The following SYT6 variants were observed in gnomAD, a reference collection of about 807,000 sequenced individuals.
SYT6 encodes synaptotagmin 6.
In SYT6, 24 loss-of-function variants were observed where a neutral mutation model predicts 38.4. The ratio of observed to expected loss-of-function variants is 0.62; its 90% CI spans 0.45 to 0.88. SYT6 has a LOEUF of 0.88. SYT6 is among the 40% of genes least tolerant of loss of function. The pLI, the probability that SYT6 is intolerant of heterozygous loss-of-function variation, is 0.00. For synonymous variants in SYT6, 265 were observed against 241.9 expected, an observed-to-expected ratio of 1.10 and a Z score of -0.89; for missense variants, 611 against 621.0, an observed-to-expected ratio of 0.98 and a Z score of 0.17.
chr1:114,097,644 A>C, intron 6 of SYT6, 83 bp downstream of exon 6: 1 of 1,540,426 alleles, frequency 6.5e-7, no homozygotes, highest in Non-Finnish European at 8.9e-7. Context: ...CAAAAGGCCG[A>C]GGGTGTCACT....
chr1:114,096,651 G>A (rs926640164), intron 6 of SYT6, among the ~76,000 whole-genome samples: 1 of 152,208 alleles, frequency 6.6e-6, no homozygotes, highest in South Asian at 2.1e-4. Flanking sequence ...AGGTTCTATG[G>A]GTTTGCAGAC....
chr1:114,107,770 CCT>C (rs1457335829), intron 3 of SYT6, among the ~76,000 whole-genome samples: 4 of 152,230 alleles, frequency 2.6e-5, no homozygotes, highest in Admixed American at 6.5e-5. Context: ...TCTGCACTAC[CCT>C]CTCTCAGGCG....
intron 1 of SYT6, among the ~76,000 whole-genome samples, chr1:114,149,290 A>C (rs921583370): frequency 1.6e-4 from 2 of 12,670 alleles, no homozygotes; most frequent in Admixed American, 1.5e-3. Context: ...GCCCATTAAT[A>C]ATTAATAATA....
chr1:114,125,164 T>C (rs2101050651), intron 3 of SYT6, among the ~76,000 whole-genome samples: 1 of 152,342 alleles, frequency 6.6e-6, no homozygotes, highest in Middle Eastern at 3.4e-3. Flanking sequence ...ACCCGACCCA[T>C]GGTCGAGGAT....
chr1:114,107,800 C>G (rs1571835950), intron 3 of SYT6, among the ~76,000 whole-genome samples: 1 of 152,238 alleles, frequency 6.6e-6, no homozygotes. Flanking sequence ...TCAGATCCCA[C>G]ATGGCTTACC....
intron 1 of SYT6, among the ~76,000 whole-genome samples, chr1:114,151,754 C>G (rs1399755570): frequency 6.6e-6 from 1 of 152,158 alleles, no homozygotes; most frequent in African/African-American, 2.4e-5. Context: ...CAGGAAGAGG[C>G]TCCCTGATAG....
intron 3 of SYT6, among the ~76,000 whole-genome samples, chr1:114,131,314 C>G (rs1450311904): frequency 6.6e-6 from 1 of 152,160 alleles, no homozygotes; most frequent in Non-Finnish European, 1.5e-5. Flanking sequence ...TCCCCAAGTC[C>G]AAAGAGAACA....
In SYT6 at chr1:114,117,020, A is replaced by C. The variant is rs182514558; in HGVS notation, c.1072-13299T>G. Among the ~76,000 whole-genome samples, 637 of 152,338 alleles carry C rather than the reference A, an allele frequency of 4.2e-3. 4 individuals carry two copies. The highest frequency in any genetic ancestry group is 4.4e-3 in the Non-Finnish European group (298 of 68,032). On this transcript the variant is annotated intron_variant, in intron 3 of 7. Coordinates refer to ENST00000610222, the MANE Select transcript of SYT6 (RefSeq NM_001253772.2). ...ATCATCAACGAAGAACTCCTGATTC[A>C]TGATTCCAGAAGGGAAGAACCATGA...
chr1:114,120,975 G>C (rs1454167209), intron 3 of SYT6, among the ~76,000 whole-genome samples: 1 of 152,224 alleles, frequency 6.6e-6, no homozygotes, highest in Non-Finnish European at 1.5e-5. Flanking sequence ...TCCGTGCCTA[G>C]AGGCAGGGCC....
intron 3 of SYT6, among the ~76,000 whole-genome samples, chr1:114,107,439 G>A (rs1189098779): frequency 1.3e-5 from 2 of 152,224 alleles, no homozygotes; most frequent in African/African-American, 2.4e-5. Flanking sequence ...GCGCAGCCAG[G>A]TGAAAGGACT....
intron 3 of SYT6, among the ~76,000 whole-genome samples, chr1:114,127,153 C>T (rs4307568): frequency 0.25 from 38,203 of 152,136 alleles, 4,904 homozygotes; most frequent in Admixed American, 0.27. Context: ...CTTTAGCCCC[C>T]TGGAGCCAAG....
rs572440586 is a variant in SYT6 at position 114,120,200 on chromosome 1, C to T, written c.1072-16479G>A. Among the ~76,000 whole-genome samples, 39 of 152,278 alleles carry T rather than the reference C, an allele frequency of 2.6e-4. No individual in the cohort carries two copies. In the Middle Eastern group the frequency reaches 0.014, roughly 53 times the overall value. ...AGGCATAGAGGTGTTGATGAGGTCT[C>T]AGAATTCAAAGACCACACTATGATC... is the stretch of plus-strand genomic sequence containing the variant. On this transcript the variant is annotated intron_variant, in intron 3 of 7. Transcript: ENST00000610222.
chr1:114,121,049 G>A (rs896379636), intron 3 of SYT6, among the ~76,000 whole-genome samples: 5 of 152,338 alleles, frequency 3.3e-5, no homozygotes, highest in South Asian at 4.1e-4. Flanking sequence ...AGGGACAGGC[G>A]ATGTCTCCAT....
In SYT6 at chr1:114,138,012, A is replaced by G. The variant is rs1436409134; in HGVS notation, c.554T>C (p.Val185Ala). 6.2e-7 allele frequency: 1 copy of G among 1,613,684 alleles called. No homozygotes were observed. The highest frequency in any genetic ancestry group is 8.5e-7 in the Non-Finnish European group (1 of 1,179,946). Residue 185 changes from valine (V) to alanine (A), a missense_variant, in exon 3 of 8, where the codon GTC (valine) becomes GCC (alanine). Val to Ala is a moderately conservative substitution (Grantham distance 64). Coordinates refer to ENST00000610222, the MANE Select transcript of SYT6 (RefSeq NM_001253772.2). Reference protein sequence around the residue: ...FKRHLPRQMHVSSVDYGNELP... With the variant: ...FKRHLPRQMHASSVDYGNELP... ...CTCATTGCCATAGTCTACACTGGAGACATGCATCTGCCTTGGCAGGTGGCG... is the reference window on the plus strand; with the variant it reads ...CTCATTGCCATAGTCTACACTGGAGGCATGCATCTGCCTTGGCAGGTGGCG...
chr1:114,120,039 CCA>C (rs1677290640), intron 3 of SYT6, among the ~76,000 whole-genome samples: 1 of 150,422 alleles, frequency 6.6e-6, no homozygotes, highest in African/African-American at 2.5e-5. Flanking sequence ...CCACTGCACT[CCA>C]GCCTGGGCGA....
At chr1:114,138,149 A>G in intron 2 of SYT6, 96 bp from the exon 3 acceptor site, 4 of 1,234,878 alleles carry the variant, frequency 3.2e-6, no homozygotes, top group Non-Finnish European at 4.4e-6. Context: ...GGCTCATCTT[A>G]TCCCTTGTTG....
In SYT6 at chr1:114,103,697, T is replaced by A; in HGVS notation, c.1096A>T (p.Met366Leu). 1 of 1,614,034 alleles carries A rather than the reference T, an allele frequency of 6.2e-7. No individual in the cohort carries two copies. Residue 366 changes from methionine (M) to leucine (L), a missense_variant, in exon 4 of 8, where the codon ATG becomes TTG. Transcript: ENST00000610222. ...GTGGGCAGGTAGCAAAGGGAGAACA[T>A]GATCTCTCCCAAGTCCACGCTTTCC... ...TSESVDLGEI[M>L]FSLCYLPTAG... is the part of the protein sequence containing the mutation.
At chr1:114,139,480 C>A (rs1678719087) in intron 2 of SYT6, 135 bp downstream of exon 2, 3 of 1,387,398 alleles carry the variant, frequency 2.2e-6, no homozygotes. Context: ...TGGCTCACAT[C>A]ATCTGACATA....
intron 3 of SYT6, among the ~76,000 whole-genome samples, chr1:114,127,525 G>T (rs998201733): frequency 6.6e-6 from 1 of 152,156 alleles, no homozygotes; most frequent in African/African-American, 2.4e-5. Flanking sequence ...TCTGAGCTTT[G>T]AGCATGGAGG....
Sources: allele counts gnomAD v4.1 joint callset (sites outside exome capture counted in the v4.1 genomes callset), GRCh38; gene constraint gnomAD v4.1.1; transcripts MANE v1.5; gene names NCBI Gene and HGNC (gene_info 2026-07-23, HGNC 2026-07-21).